Variants in STARD13 observed in about 807,000 individuals in gnomAD.
STARD13 encodes the protein stAR-related lipid transfer protein 13.
In STARD13, 62 loss-of-function variants were observed where a neutral mutation model predicts 106.4. The ratio of observed to expected loss-of-function variants is 0.58; its 90% CI spans 0.48 to 0.72. The LOEUF (loss-of-function observed/expected upper bound fraction) is 0.72. Among genes scored for constraint, STARD13 ranks in the 30% least tolerant of loss-of-function variants. The probability of loss-of-function intolerance (pLI) is 0.00; values close to 1 mark genes in which losing one functional copy is unlikely to be tolerated. For missense variants in STARD13, 1,387 were observed against 1,424.0 expected (o/e 0.97, Z 0.42); for synonymous variants, 565 against 553.0 (o/e 1.02, Z -0.31).
chr13:33,136,680 C>G (rs1414455394), intron 4 of STARD13, among the ~76,000 whole-genome samples: 1 of 152,234 alleles, frequency 6.6e-6, no homozygotes, highest in African/African-American at 2.4e-5. Flanking sequence ...CCCAGCCACA[C>G]TAGGGGAGAA....
At chr13:33,334,412 T>C (rs2077871199) in intron 1 of STARD13, among the ~76,000 whole-genome samples, 1 of 152,198 alleles carries the variant, frequency 6.6e-6, no homozygotes, top group Admixed American at 6.5e-5. Flanking sequence ...CTTCACTACC[T>C]GCACTGAACT....
the STARD13 span, among the ~76,000 whole-genome samples, chr13:33,440,219 C>T: frequency 1.4e-5 from 2 of 147,616 alleles, no homozygotes; most frequent in Non-Finnish European, 1.5e-5. Context: ...GCAGAGGTTG[C>T]AGTGAACCGT....
intron 1 of STARD13, among the ~76,000 whole-genome samples, chr13:33,206,763 T>C (rs779385021): frequency 1.3e-5 from 2 of 152,210 alleles, no homozygotes; most frequent in African/African-American, 2.4e-5. Context: ...TAGACTTTCG[T>C]ATACTGCATG....
chr13:33,432,512 C>G, the STARD13 span, among the ~76,000 whole-genome samples: 1 of 152,230 alleles, frequency 6.6e-6, no homozygotes, highest in East Asian at 1.9e-4. Context: ...TCATTTAAAT[C>G]TACCAATATT....
chr13:33,303,012 T>A lies in STARD13; in HGVS notation c.124+47278A>T, dbSNP rs9569303. 1.9e-3 allele frequency among the ~76,000 whole-genome samples: 290 copies of A among 152,270 alleles called. 4 individuals carry two copies. In the East Asian group the frequency reaches 0.049, roughly 26 times the overall value. ...CCTTAAAAACCTTTGAAATCATTCA[T>A]GTTTGGAAGGAGAGTCCACCCCTGC... On this transcript the variant is annotated intron_variant, in intron 1 of 5. Coordinates refer to the STARD13 transcript ENST00000567873.
chr13:33,501,184 C>T, the STARD13 span, among the ~76,000 whole-genome samples: 1 of 141,646 alleles, frequency 7.1e-6, no homozygotes, highest in Admixed American at 7.5e-5. Flanking sequence ...TCAAGCAATT[C>T]TCCTGCCTCA....
intron 1 of STARD13, among the ~76,000 whole-genome samples, chr13:33,199,336 T>C (rs911088273): frequency 1.3e-5 from 2 of 152,258 alleles, no homozygotes; most frequent in African/African-American, 4.8e-5. Context: ...CTTTTCATAG[T>C]TCCTTTCACA....
At chr13:33,662,118 T>G in the STARD13 span, among the ~76,000 whole-genome samples, 1 of 151,618 alleles carries the variant, frequency 6.6e-6, no homozygotes, top group South Asian at 2.1e-4. Context: ...AAAAATTAGC[T>G]GGGCGTGGTG....
the STARD13 span, among the ~76,000 whole-genome samples, chr13:33,493,954 A>G: frequency 6.6e-6 from 1 of 152,200 alleles, no homozygotes. Flanking sequence ...ACCGTAAACG[A>G]CTTGGTGCGG....
chr13:33,564,206 CAAAAAAAAAAA>C, the STARD13 span, among the ~76,000 whole-genome samples: 1 of 53,870 alleles, frequency 1.9e-5, no homozygotes, highest in Non-Finnish European at 3.9e-5. Context: ...GACTGTATCT[CAAAAAAAAAAA>C]AAAAAAAAAA....
intron 1 of STARD13, among the ~76,000 whole-genome samples, chr13:33,186,912 A>G (rs1198946177): frequency 6.6e-6 from 1 of 152,220 alleles, no homozygotes; most frequent in Non-Finnish European, 1.5e-5. Context: ...CTAGGCTTGC[A>G]AAGAAAATGG....
chr13:33,141,671 T>C (rs1879847869), intron 4 of STARD13, among the ~76,000 whole-genome samples: 1 of 152,084 alleles, frequency 6.6e-6, no homozygotes. Context: ...TGCCTGATAG[T>C]GGGGGCATCT....
chr13:33,229,594 C>A (rs927073792), intron 1 of STARD13, among the ~76,000 whole-genome samples: 1 of 152,326 alleles, frequency 6.6e-6, no homozygotes, highest in East Asian at 1.9e-4. Flanking sequence ...CATGGACACG[C>A]GAGTGCACGC....
intron 1 of STARD13, among the ~76,000 whole-genome samples, chr13:33,215,507 T>C (rs1475850796): frequency 6.6e-6 from 1 of 152,236 alleles, no homozygotes; most frequent in African/African-American, 2.4e-5. Flanking sequence ...CTTTTGATTA[T>C]GATGTAGTTC....
At chr13:33,180,440 G>T (rs2138446244) in intron 1 of STARD13, 1 of 152,342 alleles carries the variant, frequency 6.6e-6, no homozygotes, top group African/African-American at 2.4e-5. Context: ...CCTTGGGAAA[G>T]AAATCTGTAT....
At chr13:33,277,894 C>A (rs1162257914) in intron 1 of STARD13, 1 of 152,176 alleles carries the variant, frequency 6.6e-6, no homozygotes, top group Non-Finnish European at 1.5e-5. Flanking sequence ...AAAAGATGGT[C>A]ATCTGGCCTT....
the STARD13 span, among the ~76,000 whole-genome samples, chr13:33,478,881 A>G: frequency 6.6e-6 from 1 of 152,176 alleles, no homozygotes. Flanking sequence ...ATGCCACTAT[A>G]CTCCAGCCTG....
At chr13:33,524,664 T>A in the STARD13 span, among the ~76,000 whole-genome samples, 1 of 152,072 alleles carries the variant, frequency 6.6e-6, no homozygotes, top group Non-Finnish European at 1.5e-5. Flanking sequence ...TGGCATTTTT[T>A]AAAACTTTAA....
chr13:33,513,006 TAAC>T, the STARD13 span, among the ~76,000 whole-genome samples: 3 of 152,298 alleles, frequency 2.0e-5, no homozygotes, highest in South Asian at 2.1e-4. Flanking sequence ...AGTAAAATAA[TAAC>T]AACAGCCACA....
Sources: gnomAD v4.1 joint callset for allele counts (sites outside exome capture counted in the v4.1 genomes callset) on GRCh38, gnomAD v4.1.1 for gene constraint, MANE v1.5 for transcripts, NCBI Gene and HGNC (gene_info 2026-07-23, HGNC 2026-07-21) for gene names.